The following MAN2B2 variants were observed in gnomAD, a reference collection of about 807,000 sequenced individuals.
MAN2B2 encodes the protein epididymis-specific alpha-mannosidase.
MAN2B2 carries 106 observed loss-of-function variants against 117.1 expected under a neutral mutation model. The observed-to-expected ratio is 0.90, with a 90% CI of 0.77 to 1.06. MAN2B2 has a LOEUF of 1.06. MAN2B2 is among the 50% of genes least tolerant of loss of function. The pLI is 0.00. For synonymous variants in MAN2B2, 544 were observed against 595.1 expected, an observed-to-expected ratio of 0.91 and a Z score of 1.25; for missense variants, 1,326 against 1,381.4, an observed-to-expected ratio of 0.96 and a Z score of 0.64.
At position 6,605,256 on chromosome 4, in the gene MAN2B2, G is replaced by C. The variant is rs1727497172; in HGVS notation, c.1741G>C (p.Val581Leu). 6 of 1,614,100 alleles carry C rather than the reference G, an allele frequency of 3.7e-6. No individual in the cohort carries two copies. The highest frequency in any genetic ancestry group is 1.1e-5 in the South Asian group (1 of 91,096). Residue 581 changes from valine (V) to leucine (L), a missense_variant, in exon 11 of 19, where the codon GTG (valine) becomes CTG (leucine). Coordinates refer to ENST00000285599, the MANE Select transcript of MAN2B2 (RefSeq NM_015274.3). ...RRTSHAGRYL[V>L]PVANDCYIVL... is the part of the protein sequence containing the mutation. ...CACCAGCCATGCGGGCAGGTACTTG[G>C]TGCCTGTGGCAAACGACTGCTACAT...
chr4:6,580,160 C>T (rs1291833071), intron 3 of MAN2B2, among the ~76,000 whole-genome samples: 1 of 152,180 alleles, frequency 6.6e-6, no homozygotes, highest in Non-Finnish European at 1.5e-5. Flanking sequence ...TACTGCCTTA[C>T]ATCTGGACTT....
Position 6,597,285 on chromosome 4 carries a change from T to C in MAN2B2, c.1230T>C (p.Leu410=). Residue 410 remains leucine (L), a synonymous_variant, in exon 8 of 19, where the codon CTT becomes CTC. Transcript: ENST00000285599. ...GGGCCCTGCAGCAGCTCCAGCAGCT[T>C]CGCTGGGCCGTCTCCGAGGTAACAC... ...PTWALQQLQQ[L]RWAVSEVQHH... is the part of the protein sequence containing the mutation. 4 of 1,558,424 alleles carry C rather than the reference T, an allele frequency of 2.6e-6. No individual in the cohort carries two copies. The highest frequency in any genetic ancestry group is 3.5e-6 in the Non-Finnish European group (4 of 1,151,708).
intron 16 of MAN2B2, among the ~76,000 whole-genome samples, chr4:6,615,451 T>C (rs1447917964): frequency 6.6e-6 from 1 of 152,040 alleles, no homozygotes; most frequent in Non-Finnish European, 1.5e-5. Flanking sequence ...TCTTGGGCAG[T>C]CATTCCCCTG....
At chr4:6,599,533 G>A (rs1001757615) in intron 9 of MAN2B2, among the ~76,000 whole-genome samples, 11 of 152,044 alleles carry the variant, frequency 7.2e-5, no homozygotes, top group East Asian at 1.9e-4. Flanking sequence ...GTGTGGTGGC[G>A]GGCGCCTGTA....
chr4:6,613,690 A>AGG (rs1181036517), intron 15 of MAN2B2, among the ~76,000 whole-genome samples: 2 of 123,954 alleles, frequency 1.6e-5, no homozygotes, highest in African/African-American at 6.2e-5. Context: ...GGAAGGAGGG[A>AGG]AGGAAGGAAG....
intron 11 of MAN2B2, among the ~76,000 whole-genome samples, chr4:6,606,028 C>T (rs1386793128): frequency 3.9e-5 from 6 of 152,226 alleles, no homozygotes; most frequent in Non-Finnish European, 5.9e-5. Context: ...TCCTAGGCCA[C>T]GTCCGGTGGA....
Position 6,594,571 on chromosome 4 carries a change from T to G in MAN2B2, c.896T>G (p.Phe299Cys). 1 of 1,613,618 alleles carries G rather than the reference T, an allele frequency of 6.2e-7. No individual in the cohort carries two copies. Among genetic ancestry groups the G allele is most frequent in the South Asian group, 1.1e-5 (1 of 91,078 alleles). ...DKQFFNASVQ[F>C]ANMDPLLDHI... The stretch of plus-strand genomic sequence containing the variant: ...CAGTTCTTCAATGCCTCGGTGCAGT[T>G]TGCCAACATGGACCCGCTGCTGGAC... Residue 299 changes from phenylalanine (F) to cysteine (C), a missense_variant, in exon 7 of 19, where the codon TTT (phenylalanine) becomes TGT (cysteine). Coordinates refer to ENST00000285599, the MANE Select transcript of MAN2B2 (RefSeq NM_015274.3).
At chr4:6,594,830 C>A in intron 7 of MAN2B2, 98 bp downstream of exon 7, 1 of 1,278,532 alleles carries the variant, frequency 7.8e-7, no homozygotes, top group Non-Finnish European at 1.1e-6. Flanking sequence ...CACTGCTCTC[C>A]AAGCCCTGGA....
chr4:6,579,078 C>CCAT (rs1726209389), intron 3 of MAN2B2, among the ~76,000 whole-genome samples: 3 of 86,532 alleles, frequency 3.5e-5, no homozygotes, highest in East Asian at 3.8e-4. Flanking sequence ...ATCACCACCA[C>CCAT]CACCACCATC....
rs779112420 is a variant in MAN2B2, at chr4:6,576,644, C to G, written c.205C>G (p.Gln69Glu). Residue 69 changes from glutamine (Q) to glutamate (E), a missense_variant, in exon 2 of 19, where the codon CAG (glutamine) becomes GAG (glutamate). By Grantham distance (29) the Gln-to-Glu change is conservative (BLOSUM62 2). Coordinates refer to ENST00000285599, the MANE Select transcript of MAN2B2 (RefSeq NM_015274.3). ...SVVEELARGQ[Q>E]RRFIAVEQEF... ...GGTGGAAGAGCTGGCCCGCGGCCAG[C>G]AGCGCCGGTTCATCGCTGTGGAGCA... is the stretch of plus-strand genomic sequence containing the variant. 1 of 1,613,816 alleles carries G rather than the reference C, an allele frequency of 6.2e-7. No homozygotes were observed. The highest frequency in any genetic ancestry group is 2.2e-5 in the East Asian group (1 of 44,892).
intron 3 of MAN2B2, among the ~76,000 whole-genome samples, chr4:6,579,383 T>TC (rs1726324679): frequency 3.1e-5 from 1 of 31,764 alleles, no homozygotes; most frequent in East Asian, 1.2e-3. Context: ...CCACCACCAC[T>TC]ACCCTTCACC....
chr4:6,621,612 A>C lies in MAN2B2; in HGVS notation c.*327A>C. The stretch of plus-strand genomic sequence containing the variant: ...CTTTCTGCCTAAGGCAGAGCACAAG[A>C]CTCACAGCAGCACCGAAGCGCATCT... On this transcript the variant is annotated 3_prime_UTR_variant, in exon 19 of 19. Coordinates refer to ENST00000285599, the MANE Select transcript of MAN2B2 (RefSeq NM_015274.3). 1 of 212,780 alleles carries C rather than the reference A, an allele frequency of 4.7e-6. No individual in the cohort carries two copies. The highest frequency in any genetic ancestry group is 9.3e-6 in the Non-Finnish European group (1 of 107,032). The allele number at this position is 212,780 out of a possible 1,614,324, so 13.2% of individuals were successfully genotyped here. A position where few individuals can be genotyped will look rare whatever the true frequency, so the allele number is the denominator to read the frequency against.
At chr4:6,588,114 T>C (rs1726714006) in intron 4 of MAN2B2, among the ~76,000 whole-genome samples, 1 of 152,086 alleles carries the variant, frequency 6.6e-6, no homozygotes, top group African/African-American at 2.4e-5. Context: ...GTGTCATCAT[T>C]TGCTAGGGCT....
At chr4:6,576,804 G>A (rs1726081783) in intron 2 of MAN2B2, 80 bp downstream of exon 2, 1 of 1,523,746 alleles carries the variant, frequency 6.6e-7, no homozygotes, top group South Asian at 1.2e-5. Flanking sequence ...GGCAGTTCTA[G>A]CCAGGGCCAG....
rs1395850148 is a variant in MAN2B2 at position 6,622,971 on chromosome 4, G to C, written c.*1686G>C. 1 of 152,102 alleles carries C rather than the reference G, an allele frequency of 6.6e-6. No individual in the cohort carries two copies. 9.4% of individuals were successfully genotyped at this position (152,102 alleles called of 1,614,324 possible). A position where few individuals can be genotyped will look rare whatever the true frequency, so the allele number is the denominator to read the frequency against. On this transcript the variant is annotated 3_prime_UTR_variant, in exon 19 of 19. Coordinates refer to ENST00000285599, the MANE Select transcript of MAN2B2 (RefSeq NM_015274.3). ...TGGGGTCAGGTGAGCAGCCACCAGAGGCATGGATGTGCAGTGGGAGGTTGA... is the reference window on the plus strand; with the variant it reads ...TGGGGTCAGGTGAGCAGCCACCAGACGCATGGATGTGCAGTGGGAGGTTGA...
chr4:6,596,122 C>T (rs1398382336), intron 7 of MAN2B2, among the ~76,000 whole-genome samples: 3 of 142,592 alleles, frequency 2.1e-5, no homozygotes, highest in East Asian at 2.1e-4. Flanking sequence ...TCCAGGTGGG[C>T]GTGGTGTCCA....
rs1726917954 is a variant in MAN2B2 at position 6,593,079 on chromosome 4, AG to A, written c.681-92del. ...AGTCTCAGGGTGAAATGATGTGCCA[AG>A]GTCCCAAGGCTGGGAGAACATGGCA... On this transcript the variant is annotated intron_variant, in intron 5 of 18. Transcript: ENST00000285599. 3 of 1,186,564 alleles carry A rather than the reference AG, an allele frequency of 2.5e-6. No individual in the cohort carries two copies. In the African/African-American group the frequency reaches 4.6e-5, roughly 18 times the overall value. The allele number at this position is 1,186,564 out of a possible 1,614,324, so 73.5% of individuals were successfully genotyped here.
At chr4:6,593,748 G>T (rs1049261243) in intron 6 of MAN2B2, among the ~76,000 whole-genome samples, 2 of 152,262 alleles carry the variant, frequency 1.3e-5, no homozygotes, top group African/African-American at 2.4e-5. Flanking sequence ...GCACGTCGTG[G>T]CCATCGTCAC....
intron 8 of MAN2B2, among the ~76,000 whole-genome samples, chr4:6,597,708 A>G (rs1356571887): frequency 2.0e-5 from 3 of 152,150 alleles, no homozygotes. Flanking sequence ...CGGTGGGGCA[A>G]TTGGATGTGC....
Sources: allele counts gnomAD v4.1 joint callset (sites outside exome capture counted in the v4.1 genomes callset), GRCh38; gene constraint gnomAD v4.1.1; transcripts MANE v1.5; gene names NCBI Gene and HGNC (gene_info 2026-07-23, HGNC 2026-07-21).